The following CFAP47 variants were observed in gnomAD, a reference collection of about 807,000 sequenced individuals.
The protein encoded by CFAP47 is cilia and flagella associated protein 47, also known as cilia- and flagella-associated protein 47.
A neutral mutation model predicts 148.1 loss-of-function variants in CFAP47; 29 were observed. The observed-to-expected ratio is 0.20, with a 90% CI of 0.15 to 0.27. The LOEUF (loss-of-function observed/expected upper bound fraction) is 0.27. CFAP47 is among the 10% of genes least tolerant of loss of function. The pLI, the probability that CFAP47 is intolerant of heterozygous loss-of-function variation, is 1.00. For missense variants in CFAP47, 1,872 were observed against 1,697.5 expected (o/e 1.10, Z -1.81); for synonymous variants, 664 against 577.3 (o/e 1.15, Z -2.15).
chrX:36,085,390 TATA>T lies in CFAP47; in HGVS notation c.4773_4775del (p.Asn1591del). On this transcript the variant is annotated inframe_deletion, in exon 30 of 64. Transcript: ENST00000378653. ...TTCCAGACAGAATGACTTTTCCAAATATAATAAGACCATTTATGATGTGCTGCT... is the reference window on the plus strand; with the variant it reads ...TTCCAGACAGAATGACTTTTCCAAATATAAGACCATTTATGATGTGCTGCT... The T allele has an allele frequency of 1.7e-6, 2 of 1,207,154 alleles. No homozygotes were observed. Among genetic ancestry groups the T allele is most frequent in the Non-Finnish European group, 2.2e-6 (2 of 892,348 alleles).
In CFAP47 at chrX:36,039,154, A is replaced by G; in HGVS notation, c.3982A>G (p.Asn1328Asp). ...PLDITTVMDI[N>D]ILPQNYFRNS... is the part of the protein sequence containing the mutation. ...GGATATAACAACTGTAATGGATATC[A>G]ACATTTTACCTCAAAACTATTTCAG... Residue 1328 changes from asparagine to aspartate, a missense_variant, in exon 25 of 64, where the codon AAC (asparagine) becomes GAC (aspartate). Transcript: ENST00000378653. The G allele has an allele frequency of 9.3e-7, 1 of 1,069,795 alleles. No homozygotes were observed. Among genetic ancestry groups the G allele is most frequent in the Non-Finnish European group, 1.2e-6 (1 of 801,195 alleles). The allele number at this position is 1,069,795 out of a possible 1,213,427, so 88.2% of individuals were successfully genotyped here.
At chrX:36,265,064 G>A (rs782059290) in intron 49 of CFAP47, among the ~76,000 whole-genome samples, 46 of 111,801 alleles carry the variant, frequency 4.1e-4, no homozygotes, top group South Asian at 7.4e-4. Flanking sequence ...TTCATTTGTG[G>A]TGTCTTGTGA....
At chrX:36,166,337 T>C (rs2146853636) in intron 39 of CFAP47, among the ~76,000 whole-genome samples, 1 of 111,515 alleles carries the variant, frequency 9.0e-6, no homozygotes, top group African/African-American at 3.3e-5. Flanking sequence ...CTACCAATCT[T>C]CAAGTTTGTT....
intron 33 of CFAP47, among the ~76,000 whole-genome samples, chrX:36,134,693 C>T (rs372077122): frequency 1.8e-5 from 2 of 110,904 alleles, no homozygotes; most frequent in Non-Finnish European, 1.9e-5. Flanking sequence ...CATATATACA[C>T]GTATATACAT....
At chrX:36,302,038 A>G (rs1421116930) in intron 53 of CFAP47, among the ~76,000 whole-genome samples, 1 of 108,981 alleles carries the variant, frequency 9.2e-6, no homozygotes, top group Admixed American at 1.0e-4. Flanking sequence ...TTTTTCTTAC[A>G]GTAGCATAGA....
At chrX:36,235,179 G>A (rs1463798874) in intron 46 of CFAP47, among the ~76,000 whole-genome samples, 9 of 111,674 alleles carry the variant, frequency 8.1e-5, no homozygotes, top group Non-Finnish European at 1.7e-4. Context: ...GTCTGCAGAG[G>A]TTACTGCTGT....
chrX:36,034,809 A>G (rs1371254313), intron 23 of CFAP47, among the ~76,000 whole-genome samples: 1 of 110,853 alleles, frequency 9.0e-6, no homozygotes, highest in Non-Finnish European at 1.9e-5. Flanking sequence ...AGTACTTTTT[A>G]TTGTAGAATG....
intron 62 of CFAP47, among the ~76,000 whole-genome samples, chrX:36,376,102 C>T (rs1602136930): frequency 2.7e-5 from 3 of 111,764 alleles, no homozygotes; most frequent in East Asian, 5.6e-4. Flanking sequence ...TGGGCTTGTT[C>T]GTGGTGTCTC....
rs781923899 is a variant in CFAP47 at position 36,236,816 on chromosome X, A to G, written c.7289A>G (p.His2430Arg). 1.0e-5 allele frequency: 5 copies of G among 502,006 alleles called. No individual in the cohort carries two copies. The South Asian group carries it at 1.4e-4, about 14-fold the overall frequency. The allele number at this position is 502,006 out of a possible 1,213,427, so 41.4% of individuals were successfully genotyped here. ...CAAGTGGGGAATGTGACACAAAAGC[A>G]TATAACATTGCCTCATTTCACAAAT... ...ECQVGNVTQKHITLPHFTNTA... is the reference protein window; with the variant it reads ...ECQVGNVTQKRITLPHFTNTA... The change falls in exon 48 of 64, where the codon CAT (histidine) becomes CGT (arginine). Residue 2430 changes from histidine (H) to arginine (R), a missense_variant. By Grantham distance (29) the His-to-Arg change is conservative. Transcript: ENST00000378653.
chrX:35,937,466 G>C (rs1935935196), intron 2 of CFAP47, among the ~76,000 whole-genome samples: 1 of 110,176 alleles, frequency 9.1e-6, no homozygotes, highest in Admixed American at 9.8e-5. Flanking sequence ...AAATCAGCCA[G>C]TTCTCCTTTT....
rs889692469 is a variant in CFAP47, at chrX:35,932,028, T to C, written c.401+5860T>C. 9.8e-5 allele frequency among the ~76,000 whole-genome samples: 9 copies of C among 91,797 alleles called. No homozygotes were observed. In the East Asian group the frequency reaches 3.4e-3, roughly 35 times the overall value. 79.7% of individuals were successfully genotyped at this position (91,797 alleles called of 115,157 possible). A position where few individuals can be genotyped will look rare whatever the true frequency, so the allele number is the denominator to read the frequency against. On this transcript the variant is annotated intron_variant, in intron 2 of 63. Coordinates refer to ENST00000378653, the MANE Select transcript of CFAP47 (RefSeq NM_001304548.2). ...TTCCTCCCTCCCTCCCTCCCTCCTTTCCTTTCTTCCTTCCTTGCTTCCCTC... is the reference window on the plus strand; with the variant it reads ...TTCCTCCCTCCCTCCCTCCCTCCTTCCCTTTCTTCCTTCCTTGCTTCCCTC...
intron 60 of CFAP47, among the ~76,000 whole-genome samples, chrX:36,353,972 T>A (rs1273680173): frequency 2.7e-5 from 3 of 112,005 alleles, no homozygotes; most frequent in Admixed American, 9.5e-5. Flanking sequence ...TTCCCTCAAC[T>A]TTGTTTTTTT....
intron 49 of CFAP47, among the ~76,000 whole-genome samples, chrX:36,256,029 C>G (rs1940747157): frequency 9.0e-6 from 1 of 111,517 alleles, no homozygotes; most frequent in South Asian, 3.7e-4. Context: ...CAATAAAACA[C>G]GATTGCTTAA....
At position 36,385,146 on chromosome X, in the gene CFAP47, C is replaced by T. The variant is rs182102317; in HGVS notation, c.*140C>T. On this transcript the variant is annotated 3_prime_UTR_variant, in exon 64 of 64. Coordinates refer to ENST00000378653, the MANE Select transcript of CFAP47 (RefSeq NM_001304548.2). ...CTTGTCTTTTAAAATTCAATCTGTT[C>T]TCTGAATATATTATACTTCATTTGT... is the stretch of plus-strand genomic sequence containing the variant. 2 of 450,377 alleles carry T rather than the reference C, an allele frequency of 4.4e-6. No homozygotes were observed. The highest frequency in any genetic ancestry group is 7.6e-6 in the Non-Finnish European group (2 of 261,588). 37.1% of individuals were successfully genotyped at this position (450,377 alleles called of 1,213,427 possible). A position where few individuals can be genotyped will look rare whatever the true frequency, so the allele number is the denominator to read the frequency against.
chrX:36,153,071 A>AAAAT (rs60433538), intron 37 of CFAP47, among the ~76,000 whole-genome samples: 16,221 of 110,770 alleles, frequency 0.15, 2,573 homozygotes, highest in African/African-American at 0.47. Context: ...TTTGCCTAGA[A>AAAAT]AAATAAAAGT....
chrX:36,166,290 C>T (rs775813173), intron 39 of CFAP47, among the ~76,000 whole-genome samples: 116 of 110,352 alleles, frequency 1.1e-3, no homozygotes, highest in African/African-American at 3.7e-3. Context: ...ATTTACTTTT[C>T]TTCATTTTTT....
At position 35,970,763 on chromosome X, in the gene CFAP47, T is replaced by C; in HGVS notation, c.1815-5T>C. The C allele has an allele frequency of 8.6e-7, 1 of 1,161,518 alleles. No individual in the cohort carries two copies. Among genetic ancestry groups the C allele is most frequent in the Non-Finnish European group, 1.1e-6 (1 of 870,148 alleles). On this transcript the variant is annotated splice_region_variant and splice_polypyrimidine_tract_variant and intron_variant, in intron 10 of 63. Transcript: ENST00000378653. The stretch of plus-strand genomic sequence containing the variant: ...AAATATTAACATGACTTGCTTATAT[T>C]GCAGGCCAATTTTCACAAAAGTTCC...
intron 25 of CFAP47, 58 bp from the exon 26 acceptor site, chrX:36,046,796 A>T: frequency 2.6e-6 from 2 of 769,633 alleles, no homozygotes; most frequent in Non-Finnish European, 3.7e-6. Context: ...ATATACATTT[A>T]AAGCCAATGA....
intron 15 of CFAP47, among the ~76,000 whole-genome samples, chrX:35,982,834 A>C (rs1936664748): frequency 9.0e-6 from 1 of 111,542 alleles, no homozygotes; most frequent in African/African-American, 3.3e-5. Context: ...TTTTTCTACC[A>C]GTACCAAGCT....
Sources: gnomAD v4.1 joint callset for allele counts (sites outside exome capture counted in the v4.1 genomes callset) on GRCh38, gnomAD v4.1.1 for gene constraint, MANE v1.5 for transcripts, NCBI Gene and HGNC (gene_info 2026-07-23, HGNC 2026-07-21) for gene names.